Variants in STK4 observed in about 807,000 individuals in gnomAD.
STK4 encodes the protein serine/threonine kinase 4, also known as serine/threonine-protein kinase 4.
Under a neutral mutation model 64.9 loss-of-function variants are expected in STK4, and 30 were observed. The observed-to-expected ratio is 0.46, with a 90% CI of 0.35 to 0.63. STK4 has a LOEUF of 0.63. Among genes scored for constraint, STK4 ranks in the 20% least tolerant of loss-of-function variants. The pLI, the probability that STK4 is intolerant of heterozygous loss-of-function variation, is 0.01. For synonymous variants in STK4, 177 were observed against 199.0 expected (o/e 0.89, Z 0.93); for missense variants, 466 against 598.5 (o/e 0.78, Z 2.31).
At chr20:45,062,841 CTA>C (rs1264281676) in intron 10 of STK4, among the ~76,000 whole-genome samples, 4 of 133,250 alleles carry the variant, frequency 3.0e-5, no homozygotes, top group African/African-American at 8.7e-5. Flanking sequence ...CCACGCCCGG[CTA>C]TTTTTTTTTT....
At chr20:44,986,985 T>A in intron 4 of STK4, 147 bp from the exon 5 acceptor site, 2 of 573,790 alleles carry the variant, frequency 3.5e-6, no homozygotes, top group South Asian at 2.7e-5. Flanking sequence ...GAGTGGTCAG[T>A]GTATCTATGG....
At chr20:45,024,749 T>C (rs2068313478) in intron 9 of STK4, among the ~76,000 whole-genome samples, 1 of 152,214 alleles carries the variant, frequency 6.6e-6, no homozygotes, top group Non-Finnish European at 1.5e-5. Context: ...AATTTCTGAA[T>C]GTATTTTAGG....
At position 45,000,396 on chromosome 20, in the gene STK4, C is replaced by G. The variant is rs1029856335; in HGVS notation, c.836C>G (p.Pro279Arg). ...TTTTCTACTTTGTTCTTTTAGCACC[C>G]ATTTGTCAGGAGTGCCAAAGGAGTG... ...RATATQLLQH[P>R]FVRSAKGVSI... The change falls in exon 8 of 11, where the codon CCA (proline) becomes CGA (arginine). Residue 279 changes from proline to arginine, a missense_variant. Pro to Arg is a moderately radical substitution (Grantham distance 103). Around this residue, in one of 2 missense-constraint regions of STK4, gnomAD observed 276 missense variants for 308.9 expected, o/e 0.89. Transcript: ENST00000372806. 2 of 1,613,458 alleles carry G rather than the reference C, an allele frequency of 1.2e-6. No homozygotes were observed. Among genetic ancestry groups the G allele is most frequent in the Non-Finnish European group, 1.7e-6 (2 of 1,179,658 alleles).
chr20:45,016,632 T>G (rs944136502), intron 9 of STK4, among the ~76,000 whole-genome samples: 8 of 152,216 alleles, frequency 5.3e-5, no homozygotes, highest in Admixed American at 6.5e-5. Flanking sequence ...TGAAAATTCA[T>G]TCAGAACACC....
rs893319752 is a variant in STK4 at position 45,001,305 on chromosome 20, A to G, written c.1099A>G (p.Thr367Ala). The G allele has an allele frequency of 1.9e-6, 3 of 1,614,122 alleles. No homozygotes were observed. The highest frequency in any genetic ancestry group is 1.6e-4 in the Middle Eastern group (1 of 6,062). ...HDDTLPSQLGTMVINAEDEEE... is the reference protein window; with the variant it reads ...HDDTLPSQLGAMVINAEDEEE... ...TGACACGTTGCCATCACAACTGGGC[A>G]CCATGGTGATCAATGCAGAGGATGA... is the stretch of plus-strand genomic sequence containing the variant. The change falls in exon 9 of 11, where the codon ACC becomes GCC. Residue 367 changes from threonine (T) to alanine (A), a missense_variant. Coordinates refer to ENST00000372806, the MANE Select transcript of STK4 (RefSeq NM_006282.5).
At chr20:45,023,859 A>G (rs1050110702) in intron 9 of STK4, among the ~76,000 whole-genome samples, 1 of 150,054 alleles carries the variant, frequency 6.7e-6, no homozygotes, top group Non-Finnish European at 1.5e-5. Flanking sequence ...TCTTTTAATC[A>G]ATTCTATTTA....
At chr20:44,969,067 C>T (rs1024046356) in intron 1 of STK4, among the ~76,000 whole-genome samples, 7 of 152,076 alleles carry the variant, frequency 4.6e-5, no homozygotes, top group African/African-American at 1.4e-4. Context: ...GTCCTAATCT[C>T]CTCTTATAAG....
At position 45,078,816 on chromosome 20, in the gene STK4, A is replaced by T. The variant is rs1308029719; in HGVS notation, c.*3640A>T. Reference sequence around the variant, plus strand: ...CACCTGCCAGATGCCAGAAATTTATACCATTTAAAACTCAGTAAGTCTTTT... The same window carrying T: ...CACCTGCCAGATGCCAGAAATTTATTCCATTTAAAACTCAGTAAGTCTTTT... On this transcript the variant is annotated 3_prime_UTR_variant, in exon 11 of 11. Transcript: ENST00000372806. 1 of 152,462 alleles carries T rather than the reference A, an allele frequency of 6.6e-6. No homozygotes were observed. The highest frequency in any genetic ancestry group is 1.5e-5 in the Non-Finnish European group (1 of 68,028). The allele number at this position is 152,462 out of a possible 1,614,324, so 9.4% of individuals were successfully genotyped here.
chr20:45,079,276 T>C lies in STK4; in HGVS notation c.*4100T>C, dbSNP rs1001618169. 11 of 152,228 alleles carry C rather than the reference T, an allele frequency of 7.2e-5. No individual in the cohort carries two copies. Among genetic ancestry groups the C allele is most frequent in the Non-Finnish European group, 1.2e-4 (8 of 68,042 alleles). The allele number at this position is 152,228 out of a possible 1,614,324, so 9.4% of individuals were successfully genotyped here. On this transcript the variant is annotated 3_prime_UTR_variant, in exon 11 of 11. Transcript: ENST00000372806. ...TATATCTATAGAAACTTAATAGTGC[T>C]GGGAGATATAGGTATTATTATCCTC...
intron 9 of STK4, among the ~76,000 whole-genome samples, chr20:45,012,702 G>A (rs1328981871): frequency 4.6e-5 from 7 of 151,234 alleles, no homozygotes; most frequent in Admixed American, 2.6e-4. Flanking sequence ...TATGGAGATT[G>A]CCTTTTTAAA....
At chr20:44,982,992 G>GT (rs1262344476) in intron 4 of STK4, among the ~76,000 whole-genome samples, 3 of 152,172 alleles carry the variant, frequency 2.0e-5, no homozygotes, top group African/African-American at 7.2e-5. Context: ...CTCAGAAGTG[G>GT]TGACGTTTAC....
Position 45,076,855 on chromosome 20 carries a change from A to G in STK4, c.*1679A>G, listed in dbSNP as rs1289378321. The G allele has an allele frequency of 6.6e-6, 1 of 152,242 alleles. No homozygotes were observed. The highest frequency in any genetic ancestry group is 1.5e-5 in the Non-Finnish European group (1 of 68,040). The allele number at this position is 152,242 out of a possible 1,614,324, so 9.4% of individuals were successfully genotyped here. On this transcript the variant is annotated 3_prime_UTR_variant, in exon 11 of 11. Coordinates refer to ENST00000372806, the MANE Select transcript of STK4 (RefSeq NM_006282.5). The surrounding 1 kb of genome is among the most constrained non-coding windows in gnomAD (Gnocchi z 4.0). ...TGGCCAGATTCTGTTATTTGCAATT[A>G]AAGCAAGTTTTTAAAAAATGCAAGA...
At chr20:45,036,452 G>C (rs1190206793) in intron 10 of STK4, among the ~76,000 whole-genome samples, 1 of 152,088 alleles carries the variant, frequency 6.6e-6, no homozygotes. Flanking sequence ...ACCTTTTGAG[G>C]TATAACAGTG....
intron 5 of STK4, among the ~76,000 whole-genome samples, chr20:44,990,995 G>T (rs1183052216): frequency 6.6e-6 from 1 of 152,082 alleles, no homozygotes; most frequent in Non-Finnish European, 1.5e-5. Context: ...TTACTATTGG[G>T]CCATCTGCTC....
intron 10 of STK4, among the ~76,000 whole-genome samples, chr20:45,041,111 G>C (rs1439781089): frequency 6.6e-6 from 1 of 152,088 alleles, no homozygotes; most frequent in Non-Finnish European, 1.5e-5. Context: ...AAACTTAATT[G>C]GCCAATAGGT....
At position 45,001,162 on chromosome 20, in the gene STK4, T is replaced by C. The variant is rs2067831661; in HGVS notation, c.961-5T>C. On this transcript the variant is annotated splice_polypyrimidine_tract_variant and splice_region_variant and intron_variant, in intron 8 of 10. Coordinates refer to ENST00000372806, the MANE Select transcript of STK4 (RefSeq NM_006282.5). ...GCCCCAATTTGAGATTGTATCCTTT[T>C]ACAGGAAGAGGATGAAATGGATTCT... The C allele has an allele frequency of 3.7e-6, 6 of 1,602,390 alleles. No individual in the cohort carries two copies. The South Asian group carries it at 6.6e-5, about 18-fold the overall frequency.
intron 7 of STK4, among the ~76,000 whole-genome samples, chr20:44,999,067 C>CAAAAA (rs71339807): frequency 7.8e-6 from 1 of 127,722 alleles, no homozygotes. Flanking sequence ...GACTCCATCT[C>CAAAAA]AAAAAAAAAA....
intron 9 of STK4, among the ~76,000 whole-genome samples, chr20:45,011,729 A>ATATATTTT (rs60170856): frequency 8.7e-6 from 1 of 115,386 alleles, no homozygotes; most frequent in African/African-American, 3.6e-5. Context: ...ATATATATAT[A>ATATATTTT]TTTTTTTTTT....
At chr20:44,981,638 A>G (rs910820301) in intron 3 of STK4, among the ~76,000 whole-genome samples, 191 bp from the exon 4 acceptor site, 3 of 152,142 alleles carry the variant, frequency 2.0e-5, no homozygotes, top group Admixed American at 6.6e-5. Flanking sequence ...AGTTTTTTAT[A>G]CTTTTGTGAT....
Sources: allele counts gnomAD v4.1 joint callset (sites outside exome capture counted in the v4.1 genomes callset), GRCh38; gene constraint gnomAD v4.1.1; regional missense constraint gnomAD v4.1.1; non-coding constraint Gnocchi (gnomAD v3.1); transcripts MANE v1.5; gene names NCBI Gene and HGNC (gene_info 2026-07-23, HGNC 2026-07-21).